Variants in LARGE1 observed in about 807,000 individuals in gnomAD.
LARGE1 encodes the protein LARGE xylosyl- and glucuronyltransferase 1.
Under a neutral mutation model 87.6 loss-of-function variants are expected in LARGE1, and 43 were observed. The observed-to-expected ratio is 0.49, with a 90% confidence interval of 0.38 to 0.63. The LOEUF is 0.63. LARGE1 is among the 30% of genes least tolerant of loss of function. LARGE1 has a pLI of 0.00. For synonymous variants in LARGE1, 434 were observed against 394.6 expected (o/e 1.10, Z -1.18); for missense variants, 802 against 1,000.2 (o/e 0.80, Z 2.67).
At chr22:33,845,010 G>A (rs947230408) in intron 1 of LARGE1, among the ~76,000 whole-genome samples, 1 of 151,994 alleles carries the variant, frequency 6.6e-6, no homozygotes, top group Non-Finnish European at 1.5e-5. Flanking sequence ...GAGCTACCGC[G>A]CCTGGCCTCA....
intron 1 of LARGE1, among the ~76,000 whole-genome samples, chr22:33,863,188 G>A (rs896944202): frequency 6.6e-6 from 1 of 152,110 alleles, no homozygotes. Flanking sequence ...CCTTTATCTC[G>A]GGCGTGCCAC....
At chr22:33,623,100 C>A (rs371719647) in intron 4 of LARGE1, among the ~76,000 whole-genome samples, 48 of 150,496 alleles carry the variant, frequency 3.2e-4, no homozygotes, top group African/African-American at 1.2e-3. Flanking sequence ...AATTGAATAC[C>A]TGTACATCAT....
intron 7 of LARGE1, among the ~76,000 whole-genome samples, chr22:33,425,515 A>G (rs2066845679): frequency 1.3e-5 from 2 of 152,226 alleles, no homozygotes; most frequent in South Asian, 4.1e-4. Flanking sequence ...TCCTTGCAGC[A>G]GAAAGATGAA....
At chr22:33,331,115 T>A (rs1320084007) in intron 10 of LARGE1, among the ~76,000 whole-genome samples, 1 of 152,172 alleles carries the variant, frequency 6.6e-6, no homozygotes, top group African/African-American at 2.4e-5. Context: ...AAGAAACTCA[T>A]CCCAAGGCAC....
At chr22:33,283,423 G>A in intron 12 of LARGE1, 75 bp from the exon 13 acceptor site, 2 of 1,533,196 alleles carry the variant, frequency 1.3e-6, no homozygotes, top group Non-Finnish European at 1.8e-6. Flanking sequence ...TGAGGGCGGG[G>A]TGGTCATTGG....
chr22:33,323,804 C>T (rs190123206), intron 10 of LARGE1, among the ~76,000 whole-genome samples: 1 of 152,282 alleles, frequency 6.6e-6, no homozygotes, highest in Non-Finnish European at 1.5e-5. Context: ...GCTTTGTGAA[C>T]TGTAAAGTGC....
At chr22:33,806,902 C>A (rs746986389) in intron 1 of LARGE1, among the ~76,000 whole-genome samples, 3 of 152,132 alleles carry the variant, frequency 2.0e-5, no homozygotes, top group Non-Finnish European at 4.4e-5. Flanking sequence ...CCCAGCTGCT[C>A]TGGAGGCTGA....
rs1231773638 is a variant in LARGE1, at chr22:33,700,930, C to T, written c.107-50262G>A. Reference sequence around the variant, plus strand: ...TAGCCCGAGAGTGGATTTCCACATCCGTGGTCTGAGGTGAGCAGCTGGCAG... The same window carrying T: ...TAGCCCGAGAGTGGATTTCCACATCTGTGGTCTGAGGTGAGCAGCTGGCAG... On this transcript the variant is annotated intron_variant, in intron 2 of 14. Transcript: ENST00000397394. Among the ~76,000 whole-genome samples the T allele has an allele frequency of 4.6e-5, 7 of 152,202 alleles. No individual in the cohort carries two copies. In the South Asian group the frequency reaches 6.2e-4, roughly 14 times the overall value.
chr22:33,386,250 G>A (rs1008363301), intron 7 of LARGE1, among the ~76,000 whole-genome samples: 1 of 148,582 alleles, frequency 6.7e-6, no homozygotes, highest in Non-Finnish European at 1.5e-5. Flanking sequence ...GGGCTAAATC[G>A]GACACTTGTC....
At chr22:33,427,510 G>T (rs1569154307) in intron 7 of LARGE1, among the ~76,000 whole-genome samples, 1 of 152,236 alleles carries the variant, frequency 6.6e-6, no homozygotes, top group East Asian at 1.9e-4. Context: ...TCTTGTAGGG[G>T]GAAAAGTCTA....
intron 1 of LARGE1, among the ~76,000 whole-genome samples, chr22:33,906,680 C>T (rs2065466458): frequency 6.6e-6 from 1 of 152,100 alleles, no homozygotes; most frequent in Admixed American, 6.5e-5. Context: ...GCAAGGTAGA[C>T]AGAAAACTCC....
At chr22:33,405,765 C>T (rs2066075211) in intron 7 of LARGE1, among the ~76,000 whole-genome samples, 1 of 152,154 alleles carries the variant, frequency 6.6e-6, no homozygotes, top group South Asian at 2.1e-4. Context: ...AGCACAGGGC[C>T]TGGTGCAGAG....
At chr22:33,755,563 G>T (rs954790184) in intron 2 of LARGE1, among the ~76,000 whole-genome samples, 2 of 152,156 alleles carry the variant, frequency 1.3e-5, no homozygotes, top group African/African-American at 4.8e-5. Context: ...TCTGAGAAAA[G>T]GTGATTCTGA....
intron 2 of LARGE1, among the ~76,000 whole-genome samples, chr22:33,759,141 GC>G (rs1285867562): frequency 1.3e-5 from 2 of 152,304 alleles, no homozygotes; most frequent in Admixed American, 6.5e-5. Context: ...GGGAGACCTA[GC>G]TACAAGCCCC....
At chr22:33,909,910 A>G (rs1055274705) in intron 1 of LARGE1, among the ~76,000 whole-genome samples, 1 of 152,186 alleles carries the variant, frequency 6.6e-6, no homozygotes, top group Non-Finnish European at 1.5e-5. Context: ...CCCAAAAAAT[A>G]TATTTGTGCT....
At chr22:33,610,254 T>C (rs934594800) in intron 4 of LARGE1, among the ~76,000 whole-genome samples, 8 of 152,086 alleles carry the variant, frequency 5.3e-5, no homozygotes, top group Non-Finnish European at 1.0e-4. Flanking sequence ...CAGAAGAAGA[T>C]GGGAAAGTCT....
At chr22:33,866,707 C>T (rs967224354) in intron 1 of LARGE1, among the ~76,000 whole-genome samples, 2 of 152,152 alleles carry the variant, frequency 1.3e-5, no homozygotes, top group Non-Finnish European at 1.5e-5. Context: ...CTAGAATGGA[C>T]GACAGACACC....
chr22:33,132,345 C>T, the LARGE1 span, among the ~76,000 whole-genome samples: 2 of 151,430 alleles, frequency 1.3e-5, no homozygotes, highest in African/African-American at 2.4e-5. Context: ...CACCATGCCT[C>T]GCTAATTTTT....
intron 11 of LARGE1, among the ~76,000 whole-genome samples, chr22:33,221,346 T>A (rs963027512): frequency 6.6e-6 from 1 of 152,136 alleles, no homozygotes; most frequent in Non-Finnish European, 1.5e-5. Context: ...CTCCTGCCAA[T>A]CCTGATATTC....
Sources: allele counts gnomAD v4.1 joint callset (sites outside exome capture counted in the v4.1 genomes callset), GRCh38; gene constraint gnomAD v4.1.1; transcripts MANE v1.5; gene names NCBI Gene and HGNC (gene_info 2026-07-23, HGNC 2026-07-21).